Variants in PCDHA2 observed in about 807,000 individuals in gnomAD.
PCDHA2 encodes protocadherin alpha 2.
In PCDHA2, 58 loss-of-function variants were observed where a neutral mutation model predicts 66.0. The observed-to-expected ratio is 0.88, with a 90% CI of 0.71 to 1.09. The LOEUF is 1.09. Ranked by LOEUF, PCDHA2 falls within the 50% of genes least tolerant of loss-of-function variation. The probability of loss-of-function intolerance (pLI) is 0.00; values close to 1 mark genes in which losing one functional copy is unlikely to be tolerated. For synonymous variants in PCDHA2, 634 were observed against 554.0 expected (o/e 1.14, Z -2.03); for missense variants, 1,267 against 1,242.3 (o/e 1.02, Z -0.30).
chr5:140,934,611 C>T (rs1346764744), intron 1 of PCDHA2, among the ~76,000 whole-genome samples: 2 of 151,950 alleles, frequency 1.3e-5, no homozygotes, highest in Non-Finnish European at 2.9e-5. Context: ...TTTGATTAGC[C>T]TGAGGTACAG....
rs1023415818 is a variant in PCDHA2 at position 140,856,852 on chromosome 5, G to A, written c.2388+59500G>A. The stretch of plus-strand genomic sequence containing the variant: ...TAATACGGCTCAACGCTTCTGATTC[G>A]GATGAAGGAATAAACAAGGAAATGA... On this transcript the variant is annotated intron_variant, in intron 1 of 3. Coordinates refer to ENST00000526136, the MANE Select transcript of PCDHA2 (RefSeq NM_018905.3). 5.6e-6 allele frequency: 9 copies of A among 1,593,530 alleles called. No homozygotes were observed. In the African/African-American group the frequency reaches 8.1e-5, roughly 14 times the overall value.
intron 1 of PCDHA2, chr5:140,875,686 G>C (rs17844351): frequency 0.022 from 35,932 of 1,613,570 alleles, 480 homozygotes; most frequent in East Asian, 0.061. Flanking sequence ...CAAAAGACAC[G>C]GGGACCTTCT....
chr5:140,928,334 C>CT, intron 1 of PCDHA2: 1 of 1,614,158 alleles, frequency 6.2e-7, no homozygotes, highest in Non-Finnish European at 8.5e-7. Flanking sequence ...GGCCTTGTCT[C>CT]TTATGAGCTG....
Position 140,844,332 on chromosome 5 carries a change from G to C in PCDHA2, c.2388+46980G>C, listed in dbSNP as rs2150370679. On this transcript the variant is annotated intron_variant, in intron 1 of 3. Coordinates refer to ENST00000526136, the MANE Select transcript of PCDHA2 (RefSeq NM_018905.3). ...TTCTTCCTAATTTTATTATAAACTA[G>C]TTAAAAAGTAAAATCAAGAGGGAAG... Among the ~76,000 whole-genome samples the C allele has an allele frequency of 8.0e-5, 12 of 149,222 alleles. 2 individuals carry two copies. The highest frequency in any genetic ancestry group is 1.8e-4 in the Non-Finnish European group (12 of 66,748).
Position 140,796,875 on chromosome 5 carries a change from A to T in PCDHA2, c.1911A>T (p.Leu637=), listed in dbSNP as rs1554120176. 6.2e-7 allele frequency: 1 copy of T among 1,614,026 alleles called. No individual in the cohort carries two copies. The highest frequency in any genetic ancestry group is 2.2e-5 in the East Asian group (1 of 44,860). Residue 637 remains leucine, a synonymous_variant, in exon 1 of 4, where the codon CTA becomes CTT. Coordinates refer to ENST00000526136, the MANE Select transcript of PCDHA2 (RefSeq NM_018905.3). Reference sequence around the variant, plus strand: ...GTGAGATCAGCACGACACGTGCCCTAGACGAGGCTGACTCCCCTCGACACC... The same window carrying T: ...GTGAGATCAGCACGACACGTGCCCTTGACGAGGCTGACTCCCCTCGACACC... ...YTGEISTTRA[L]DEADSPRHRL...
rs782493652 is a variant in PCDHA2, at chr5:140,796,879, G to A, written c.1915G>A (p.Glu639Lys). ...GATCAGCACGACACGTGCCCTAGACGAGGCTGACTCCCCTCGACACCGCCT... is the reference window on the plus strand; with the variant it reads ...GATCAGCACGACACGTGCCCTAGACAAGGCTGACTCCCCTCGACACCGCCT... The part of the protein sequence containing the change: ...GEISTTRALD[E>K]ADSPRHRLLV... Residue 639 changes from glutamate (E) to lysine (K), a missense_variant, in exon 1 of 4, where the codon GAG becomes AAG. Coordinates refer to ENST00000526136, the MANE Select transcript of PCDHA2 (RefSeq NM_018905.3). 14 of 1,614,008 alleles carry A rather than the reference G, an allele frequency of 8.7e-6. No homozygotes were observed. The highest frequency in any genetic ancestry group is 4.4e-5 in the South Asian group (4 of 91,082).
At chr5:140,914,962 T>C (rs1301307235) in intron 1 of PCDHA2, among the ~76,000 whole-genome samples, 2 of 136,964 alleles carry the variant, frequency 1.5e-5, no homozygotes, top group Non-Finnish European at 3.2e-5. Flanking sequence ...TTTTTTTTTT[T>C]CTGAGTCAGA....
chr5:140,966,793 G>A lies in PCDHA2; in HGVS notation c.2389-12156G>A, dbSNP rs1456903567. 4.6e-6 allele frequency: 7 copies of A among 1,532,300 alleles called. No homozygotes were observed. The Admixed American group carries it at 5.8e-5, about 13-fold the overall frequency. The allele number at this position is 1,532,300 out of a possible 1,614,324, so 94.9% of individuals were successfully genotyped here. A position where few individuals can be genotyped will look rare whatever the true frequency, so the allele number is the denominator to read the frequency against. ...TGGAGCAGGCGGGCACCAGACCTGC[G>A]GCGACAGAGCATCCACGGCTCCGGC... On this transcript the variant is annotated intron_variant, in intron 1 of 3. Transcript: ENST00000526136.
chr5:140,966,971 C>T lies in PCDHA2; in HGVS notation c.2389-11978C>T, dbSNP rs375161984. On this transcript the variant is annotated intron_variant, in intron 1 of 3. Coordinates refer to ENST00000526136, the MANE Select transcript of PCDHA2 (RefSeq NM_018905.3). ...CGTGGCTCGCGCGCTGGGGCTTGAG[C>T]TGCGGCGCTTGGGGCCGGGTTGCTT... 13 of 1,602,690 alleles carry T rather than the reference C, an allele frequency of 8.1e-6. No homozygotes were observed. The African/African-American group carries it at 1.7e-4, about 21-fold the overall frequency.
chr5:140,801,744 A>G, intron 1 of PCDHA2: 1 of 1,614,076 alleles, frequency 6.2e-7, no homozygotes, highest in Non-Finnish European at 8.5e-7. Flanking sequence ...CTTGGACGTT[A>G]AAAGAAATGA....
At chr5:140,822,155 A>T in intron 1 of PCDHA2, 1 of 1,614,248 alleles carries the variant, frequency 6.2e-7, no homozygotes, top group Non-Finnish European at 8.5e-7. Flanking sequence ...GACATCAATG[A>T]CAATCCGCCC....
chr5:140,965,942 C>G (rs2095950444), intron 1 of PCDHA2, among the ~76,000 whole-genome samples: 2 of 152,330 alleles, frequency 1.3e-5, no homozygotes, highest in Admixed American at 1.3e-4. Flanking sequence ...AAGAGGGCAG[C>G]ATTTGCCATC....
chr5:140,796,894 C>T lies in PCDHA2; in HGVS notation c.1930C>T (p.Arg644Ter), dbSNP rs143944331. 4 of 1,613,830 alleles carry T rather than the reference C, an allele frequency of 2.5e-6. No individual in the cohort carries two copies. The highest frequency in any genetic ancestry group is 2.2e-5 in the East Asian group (1 of 44,878). The change falls in exon 1 of 4, where the codon CGA (arginine) becomes TGA (stop). Residue 644 changes from arginine to a stop codon, truncating the protein, a stop_gained. Coordinates refer to ENST00000526136, the MANE Select transcript of PCDHA2 (RefSeq NM_018905.3). LOFTEE classifies it high-confidence loss of function. ...TGCCCTAGACGAGGCTGACTCCCCT[C>T]GACACCGCCTACTCGTGCTGGTGAA... ...TRALDEADSP[R>*]HRLLVLVKDH...
chr5:141,000,399 A>C (rs77386673), intron 3 of PCDHA2, among the ~76,000 whole-genome samples: 2,158 of 66,344 alleles, frequency 0.033, 38 homozygotes, highest in Non-Finnish European at 0.044. Context: ...CTCTCTCTAT[A>C]TATATATATA....
rs1762017132 is a variant in PCDHA2, at chr5:140,795,970, A to G, written c.1006A>G (p.Ile336Val). ...CCCTTCAATGTCAGGACATTGTAAA[A>G]TTTCATTAAAACTTGTGGACATCAA... Reference protein sequence around the residue: ...GTPSMSGHCKISLKLVDINDN... With the variant: ...GTPSMSGHCKVSLKLVDINDN... The change falls in exon 1 of 4, where the codon ATT (isoleucine) becomes GTT (valine). Residue 336 changes from isoleucine to valine, a missense_variant. By Grantham distance (29) the Ile-to-Val change is conservative. Transcript: ENST00000526136. 2 of 1,614,032 alleles carry G rather than the reference A, an allele frequency of 1.2e-6. No homozygotes were observed. Among genetic ancestry groups the G allele is most frequent in the African/African-American group, 2.7e-5 (2 of 74,912 alleles).
chr5:140,848,973 G>A, intron 1 of PCDHA2: 1 of 1,600,934 alleles, frequency 6.2e-7, no homozygotes, highest in South Asian at 1.1e-5. Context: ...CGCGTCCGAT[G>A]CAGATATCGG....
intron 1 of PCDHA2, chr5:140,969,232 C>A (rs138367129): frequency 1.9e-4 from 314 of 1,614,066 alleles, no homozygotes; most frequent in Non-Finnish European, 2.5e-4. Flanking sequence ...CTTCGGGAGC[C>A]CAAGCAGCAG....
At chr5:140,842,280 T>C (rs1554138934) in intron 1 of PCDHA2, 10 of 1,610,840 alleles carry the variant, frequency 6.2e-6, no homozygotes, top group South Asian at 3.3e-5. Flanking sequence ...AAAATCCTCA[T>C]TGACGCCACG....
At chr5:140,971,376 C>CT (rs1334633165) in intron 1 of PCDHA2, among the ~76,000 whole-genome samples, 1 of 152,164 alleles carries the variant, frequency 6.6e-6, no homozygotes, top group Non-Finnish European at 1.5e-5. Context: ...GAGTGCATGA[C>CT]TTTAATAAAG....
Sources: gnomAD v4.1 joint callset for allele counts (sites outside exome capture counted in the v4.1 genomes callset) on GRCh38, gnomAD v4.1.1 for gene constraint, MANE v1.5 for transcripts, NCBI Gene and HGNC (gene_info 2026-07-23, HGNC 2026-07-21) for gene names.